The following SLC9A1 variants were observed in gnomAD, a reference collection of about 807,000 sequenced individuals.
The protein encoded by SLC9A1 is solute carrier family 9 member A1.
A neutral mutation model predicts 67.9 loss-of-function variants in SLC9A1; 22 were observed. The ratio of observed to expected loss-of-function variants is 0.32; its 90% CI spans 0.23 to 0.46. The LOEUF is 0.46. SLC9A1 is among the 20% of genes least tolerant of loss of function. SLC9A1 has a pLI of 1.00. For missense variants in SLC9A1, 686 were observed against 1,094.8 expected (o/e 0.63, Z 5.27); for synonymous variants, 421 against 471.8 (o/e 0.89, Z 1.40).
chr1:27,132,993 G>A (rs1026102396), intron 1 of SLC9A1, among the ~76,000 whole-genome samples: 1 of 152,050 alleles, frequency 6.6e-6, no homozygotes, highest in Admixed American at 6.5e-5. Flanking sequence ...ATCTTATCAT[G>A]CCAAATGCTT....
Position 27,137,008 on chromosome 1 carries a change from G to T in SLC9A1, c.352+16975C>A, listed in dbSNP as rs571045423. Among the ~76,000 whole-genome samples, 9 of 152,358 alleles carry T rather than the reference G, an allele frequency of 5.9e-5. 1 individual carries two copies. Among genetic ancestry groups the T allele is most frequent in the Middle Eastern group, 6.8e-3 (2 of 294 alleles). ...GTTTGGGCCTCGTTGCCATTCCATTGTAAGTGGTAGTGCCAGATGGAGCCC... is the reference window on the plus strand; with the variant it reads ...GTTTGGGCCTCGTTGCCATTCCATTTTAAGTGGTAGTGCCAGATGGAGCCC... On this transcript the variant is annotated intron_variant, in intron 1 of 11. Coordinates refer to ENST00000263980, the MANE Select transcript of SLC9A1 (RefSeq NM_003047.5). The surrounding 1 kb of genome is among the most constrained non-coding windows in gnomAD (Gnocchi z 4.6).
At position 27,101,231 on chromosome 1, in the gene SLC9A1, G is replaced by T; in HGVS notation, c.2082C>A (p.Pro694=). Residue 694 remains proline (P), a synonymous_variant, in exon 11 of 12, where the codon CCC becomes CCA. Coordinates refer to ENST00000263980, the MANE Select transcript of SLC9A1 (RefSeq NM_003047.5). The surrounding 1 kb of genome is among the most constrained non-coding windows in gnomAD (Gnocchi z 4.9). ...LTVPAHKLDS[P]TMSRARIGSD... Reference sequence around the variant, plus strand: ...AGCCGATGCGGGCCCGAGACATGGTGGGTGAGTCCAGCTTGTGGGCTGGCA... The same window carrying T: ...AGCCGATGCGGGCCCGAGACATGGTTGGTGAGTCCAGCTTGTGGGCTGGCA... The T allele has an allele frequency of 6.2e-7, 1 of 1,612,042 alleles. No individual in the cohort carries two copies.
chr1:27,113,080 G>T (rs1344372411), intron 2 of SLC9A1, among the ~76,000 whole-genome samples: 2 of 152,066 alleles, frequency 1.3e-5, no homozygotes, highest in African/African-American at 2.4e-5. Context: ...CATGAGAGCT[G>T]AAAGGCCCCT....
At chr1:27,133,035 G>T (rs2083396625) in intron 1 of SLC9A1, among the ~76,000 whole-genome samples, 1 of 151,864 alleles carries the variant, frequency 6.6e-6, no homozygotes, top group Non-Finnish European at 1.5e-5. Context: ...TGAGGCAAAG[G>T]CCTAGCCCAA....
At chr1:27,127,097 C>T (rs1389889917) in intron 1 of SLC9A1, among the ~76,000 whole-genome samples, 1 of 152,112 alleles carries the variant, frequency 6.6e-6, no homozygotes, top group African/African-American at 2.4e-5. Flanking sequence ...ACTTCCTGGG[C>T]TCAAGTGATT....
rs1009181118 is a variant in SLC9A1, at chr1:27,114,059, C to T, written c.580G>A (p.Val194Met). 3.1e-6 allele frequency: 5 copies of T among 1,614,188 alleles called. No individual in the cohort carries two copies. The highest frequency in any genetic ancestry group is 2.2e-5 in the East Asian group (1 of 44,892). The change falls in exon 2 of 12, where the codon GTG becomes ATG. Residue 194 changes from valine to methionine, a missense_variant. By Grantham distance (21) the Val-to-Met change is conservative. Transcript: ENST00000263980. The surrounding 1 kb of genome is among the most constrained non-coding windows in gnomAD (Gnocchi z 5.4). ...AAGGCGTTCCACAGCGTGCCCACCA[C>T]GGCAAAGATCAGGATGGTGCCCAGG... The part of the protein sequence containing the change: ...ENLGTILIFA[V>M]VGTLWNAFFL...
intron 5 of SLC9A1, among the ~76,000 whole-genome samples, chr1:27,104,672 AG>A (rs1256429244): frequency 6.6e-6 from 1 of 152,148 alleles, no homozygotes; most frequent in Non-Finnish European, 1.5e-5. Flanking sequence ...CATAGGCGTG[AG>A]CCACTGCACC....
At chr1:27,117,844 A>C (rs1344277490) in intron 1 of SLC9A1, among the ~76,000 whole-genome samples, 1 of 152,184 alleles carries the variant, frequency 6.6e-6, no homozygotes, top group African/African-American at 2.4e-5. Context: ...TTAATTCTTT[A>C]GTCAAAGCTC....
intron 1 of SLC9A1, among the ~76,000 whole-genome samples, chr1:27,147,204 G>T (rs1464306509): frequency 6.9e-6 from 1 of 144,610 alleles, no homozygotes; most frequent in Non-Finnish European, 1.5e-5. Flanking sequence ...GGAGGCTGAG[G>T]CAGAAGAATC....
Position 27,105,831 on chromosome 1 carries a change from G to A in SLC9A1, c.1485+54C>T, listed in dbSNP as rs1262257448. On this transcript the variant is annotated intron_variant, in intron 5 of 11. Coordinates refer to ENST00000263980, the MANE Select transcript of SLC9A1 (RefSeq NM_003047.5). ...CACACGCTTTCCTCTCTTTCCACGG[G>A]AACAGCCTGTGAGGGTCCCCAAGGC... 4 of 1,443,950 alleles carry A rather than the reference G, an allele frequency of 2.8e-6. No individual in the cohort carries two copies. In the South Asian group the frequency reaches 4.6e-5, roughly 17 times the overall value. The allele number at this position is 1,443,950 out of a possible 1,614,324, so 89.4% of individuals were successfully genotyped here.
At position 27,102,028 on chromosome 1, in the gene SLC9A1, C is replaced by A. The variant is rs371824501; in HGVS notation, c.1923G>T (p.Lys641Asn). 16 of 1,612,980 alleles carry A rather than the reference C, an allele frequency of 9.9e-6. No individual in the cohort carries two copies. The African/African-American group carries it at 2.0e-4, about 20-fold the overall frequency. ...IRKILRNNLQKTRQRLRSYNR... is the reference protein window; with the variant it reads ...IRKILRNNLQNTRQRLRSYNR... ...AGCAGGCCCTCACCCGCTGCCTGGT[C>A]TTCTGCAAGTTGTTCCTCAGGATTT... The change falls in exon 9 of 12, where the codon AAG (lysine) becomes AAT (asparagine). Residue 641 changes from lysine (K) to asparagine (N), a missense_variant. Lys to Asn is a moderately conservative substitution (Grantham distance 94). Around this residue, in one of 7 missense-constraint regions of SLC9A1, gnomAD observed 226 missense variants for 282.4 expected, o/e 0.80. Coordinates refer to ENST00000263980, the MANE Select transcript of SLC9A1 (RefSeq NM_003047.5).
At chr1:27,146,360 T>C (rs2083485367) in intron 1 of SLC9A1, among the ~76,000 whole-genome samples, 1 of 152,208 alleles carries the variant, frequency 6.6e-6, no homozygotes, top group Non-Finnish European at 1.5e-5. Flanking sequence ...ACAGTGGGAC[T>C]TGGAGTGGGT....
At chr1:27,107,614 ACAACCCC>A in intron 4 of SLC9A1, 27 bp downstream of exon 4, 1 of 1,427,804 alleles carries the variant, frequency 7.0e-7, no homozygotes. Flanking sequence ...ACCCCACACC[ACAACCCC>A]CACCCCGCCC....
intron 1 of SLC9A1, among the ~76,000 whole-genome samples, chr1:27,127,811 C>T (rs1274763636): frequency 1.3e-5 from 2 of 152,176 alleles, no homozygotes; most frequent in African/African-American, 4.8e-5. Flanking sequence ...CTCCATCCTA[C>T]CTCCAAATGC....
In SLC9A1 at chr1:27,102,432, G is replaced by A. The variant is rs371138291; in HGVS notation, c.1773C>T (p.Ser591=). The change falls in exon 8 of 12, where the codon AGC becomes AGT. Residue 591 remains serine (S), a synonymous_variant. Transcript: ENST00000263980. The part of the protein sequence containing the change: ...EMKQAIELVE[S]GGMGKIPSAV... Reference sequence around the variant, plus strand: ...CAGAGGGGATCTTGCCCATGCCCCCGCTCTCCACCAGCTCGATGGCCTGCT... The same window carrying A: ...CAGAGGGGATCTTGCCCATGCCCCCACTCTCCACCAGCTCGATGGCCTGCT... 636 of 1,607,758 alleles carry A rather than the reference G, an allele frequency of 4.0e-4. 7 individuals carry two copies. The South Asian group carries it at 5.9e-3, about 15-fold the overall frequency.
At chr1:27,133,439 T>C (rs2083399147) in intron 1 of SLC9A1, among the ~76,000 whole-genome samples, 1 of 152,118 alleles carries the variant, frequency 6.6e-6, no homozygotes, top group South Asian at 2.1e-4. Context: ...TTTATTTTCC[T>C]GAAGCTGAGG....
In SLC9A1 at chr1:27,109,886, AAGAGG is replaced by A; in HGVS notation, c.814-114_814-110del. On this transcript the variant is annotated intron_variant, in intron 2 of 11. Transcript: ENST00000263980. The surrounding 1 kb of genome is among the most constrained non-coding windows in gnomAD (Gnocchi z 5.5). The stretch of plus-strand genomic sequence containing the variant: ...CCCCTCCGTTAACCATGGCCACAAG[AAGAGG>A]CCACACGGTAGCAGAGAAACCCTAG... 3 of 1,258,808 alleles carry A rather than the reference AAGAGG, an allele frequency of 2.4e-6. No homozygotes were observed. In the South Asian group the frequency reaches 4.1e-5, roughly 17 times the overall value. The allele number at this position is 1,258,808 out of a possible 1,614,324, so 78.0% of individuals were successfully genotyped here. A position where few individuals can be genotyped will look rare whatever the true frequency, so the allele number is the denominator to read the frequency against.
intron 1 of SLC9A1, among the ~76,000 whole-genome samples, chr1:27,147,334 A>G (rs2083494469): frequency 6.7e-6 from 1 of 150,364 alleles, no homozygotes; most frequent in Admixed American, 6.6e-5. Flanking sequence ...AAAGAAAAAA[A>G]TACAAAAATT....
rs1041274415 is a variant in SLC9A1, at chr1:27,098,928, A to G, written c.*1379T>C. 4 of 152,666 alleles carry G rather than the reference A, an allele frequency of 2.6e-5. No individual in the cohort carries two copies. The highest frequency in any genetic ancestry group is 9.6e-5 in the African/African-American group (4 of 41,462). 9.5% of individuals were successfully genotyped at this position (152,666 alleles called of 1,614,324 possible). ...ACGTGGTTGTCGATGTCACCCTTGC[A>G]TGGTGACTCCTGCCCAAACAGCACT... is the stretch of plus-strand genomic sequence containing the variant. On this transcript the variant is annotated 3_prime_UTR_variant, in exon 12 of 12. Coordinates refer to ENST00000263980, the MANE Select transcript of SLC9A1 (RefSeq NM_003047.5).
Sources: allele counts gnomAD v4.1 joint callset (sites outside exome capture counted in the v4.1 genomes callset), GRCh38; gene constraint gnomAD v4.1.1; regional missense constraint gnomAD v4.1.1; non-coding constraint Gnocchi (gnomAD v3.1); transcripts MANE v1.5; gene names NCBI Gene and HGNC (gene_info 2026-07-23, HGNC 2026-07-21).